The following CAMK1D variants were observed in gnomAD, a reference collection of about 807,000 sequenced individuals.
CAMK1D encodes the protein calcium/calmodulin dependent protein kinase ID, also known as calcium/calmodulin-dependent protein kinase type 1D.
CAMK1D carries 9 observed loss-of-function variants against 47.7 expected under a neutral mutation model. That is an observed-to-expected ratio of 0.19 (90% confidence interval 0.11 to 0.33). CAMK1D has a LOEUF of 0.33. Among genes scored for constraint, CAMK1D ranks in the 10% least tolerant of loss-of-function variants. CAMK1D has a pLI of 1.00. For synonymous variants in CAMK1D, 184 were observed against 184.9 expected (o/e 0.99, Z 0.04); for missense variants, 291 against 488.7 (o/e 0.60, Z 3.81).
chr10:12,813,713 G>A (rs1016212392), intron 6 of CAMK1D, among the ~76,000 whole-genome samples: 1 of 152,002 alleles, frequency 6.6e-6, no homozygotes, highest in African/African-American at 2.4e-5. Context: ...TCTTGGTTGA[G>A]ATTATATTTG....
At chr10:12,791,351 C>G (rs1292539055) in intron 6 of CAMK1D, 118 bp downstream of exon 6, 1 of 824,370 alleles carries the variant, frequency 1.2e-6, no homozygotes, top group Non-Finnish European at 2.0e-6. Flanking sequence ...CAGTTCAGGG[C>G]CATGTTTAAG....
chr10:12,794,604 A>C (rs974746556), intron 6 of CAMK1D, among the ~76,000 whole-genome samples: 4 of 152,090 alleles, frequency 2.6e-5, no homozygotes, highest in African/African-American at 9.7e-5. Context: ...AAATTTGGTA[A>C]GTTTCTACTT....
chr10:12,743,056 G>A (rs1485354244), intron 3 of CAMK1D, among the ~76,000 whole-genome samples: 1 of 152,134 alleles, frequency 6.6e-6, no homozygotes, highest in African/African-American at 2.4e-5. Context: ...AAGAAACCAA[G>A]ACAAGGCTGG....
At chr10:12,639,455 A>G (rs1053887186) in intron 2 of CAMK1D, among the ~76,000 whole-genome samples, 7 of 152,114 alleles carry the variant, frequency 4.6e-5, no homozygotes, top group Admixed American at 1.3e-4. Flanking sequence ...ATCGCACTCC[A>G]GCTTGGGCGA....
chr10:12,698,727 C>T (rs1164568973), intron 3 of CAMK1D, among the ~76,000 whole-genome samples: 1 of 125,894 alleles, frequency 7.9e-6, no homozygotes, highest in African/African-American at 3.0e-5. Flanking sequence ...GGCTGGAGTG[C>T]AGTGGTGTGA....
intron 1 of CAMK1D, among the ~76,000 whole-genome samples, chr10:12,501,067 A>G (rs1172605861): frequency 6.6e-6 from 1 of 152,044 alleles, no homozygotes; most frequent in Non-Finnish European, 1.5e-5. Flanking sequence ...CGGACTCCAA[A>G]ATCCATCCCC....
At position 12,594,066 on chromosome 10, in the gene CAMK1D, C is replaced by T. The variant is rs549015955; in HGVS notation, c.224+40710C>T. On this transcript the variant is annotated intron_variant, in intron 2 of 10. Transcript: ENST00000619168. Reference sequence around the variant, plus strand: ...TGGCACATGCCTGTAATCCCAGCTACTTGGGAGGCTGAGGCAGGAGAATCA... The same window carrying T: ...TGGCACATGCCTGTAATCCCAGCTATTTGGGAGGCTGAGGCAGGAGAATCA... Among the ~76,000 whole-genome samples, 2 of 152,266 alleles carry T rather than the reference C, an allele frequency of 1.3e-5. 1 individual carries two copies. The highest frequency in any genetic ancestry group is 4.8e-5 in the African/African-American group (2 of 41,544).
chr10:12,381,305 A>T (rs540756533), intron 1 of CAMK1D, among the ~76,000 whole-genome samples: 2 of 152,070 alleles, frequency 1.3e-5, no homozygotes, highest in South Asian at 4.2e-4. Flanking sequence ...AGTGGTTCTT[A>T]AAAAATGTCG....
chr10:12,712,363 A>G (rs887288338), intron 3 of CAMK1D, among the ~76,000 whole-genome samples: 11 of 152,256 alleles, frequency 7.2e-5, no homozygotes, highest in Non-Finnish European at 1.6e-4. Flanking sequence ...GCCAGCCTGC[A>G]GCAGCGCCAT....
At chr10:12,358,986 T>G (rs749429785) in intron 1 of CAMK1D, among the ~76,000 whole-genome samples, 10 of 152,150 alleles carry the variant, frequency 6.6e-5, no homozygotes, top group Non-Finnish European at 1.3e-4. Context: ...TCCCCCAAAA[T>G]TTATGGTTTC....
intron 3 of CAMK1D, among the ~76,000 whole-genome samples, chr10:12,757,371 G>C (rs575311403): frequency 5.5e-4 from 84 of 152,198 alleles, no homozygotes; most frequent in Admixed American, 9.8e-4. Flanking sequence ...CTGATGCTTT[G>C]CATGTTTTAA....
chr10:12,500,099 C>T (rs1486803056), intron 1 of CAMK1D, among the ~76,000 whole-genome samples: 4 of 152,100 alleles, frequency 2.6e-5, no homozygotes, highest in Non-Finnish European at 5.9e-5. Flanking sequence ...AACCCTGTCT[C>T]TACTAAAAAT....
chr10:12,462,661 C>T (rs749328939), intron 1 of CAMK1D, among the ~76,000 whole-genome samples: 19 of 152,040 alleles, frequency 1.2e-4, no homozygotes, highest in Non-Finnish European at 2.4e-4. Flanking sequence ...ATGTGACATG[C>T]CTAATGGGCT....
At chr10:12,610,882 ACATCAG>A (rs1460307686) in intron 2 of CAMK1D, among the ~76,000 whole-genome samples, 2 of 152,174 alleles carry the variant, frequency 1.3e-5, no homozygotes, top group Non-Finnish European at 2.9e-5. Flanking sequence ...CCTGGCTAAT[ACATCAG>A]TGTTCTGTGA....
At chr10:12,746,847 A>C (rs1835705269) in intron 3 of CAMK1D, among the ~76,000 whole-genome samples, 1 of 152,168 alleles carries the variant, frequency 6.6e-6, no homozygotes, top group Non-Finnish European at 1.5e-5. Context: ...AGGTTCCTAC[A>C]TTTTAGAGAC....
intron 2 of CAMK1D, among the ~76,000 whole-genome samples, chr10:12,649,003 A>C (rs949301901): frequency 2.0e-5 from 3 of 152,120 alleles, no homozygotes; most frequent in Admixed American, 6.5e-5. Flanking sequence ...AGTAGCTGGA[A>C]CTACAGACAC....
At chr10:12,587,549 A>T (rs200368889) in intron 2 of CAMK1D, among the ~76,000 whole-genome samples, 3 of 2,908 alleles carry the variant, frequency 1.0e-3, no homozygotes, top group Admixed American at 0.01. Context: ...AGACATCATT[A>T]AAAAAAAAAA....
chr10:12,653,554 A>G (rs1412436337), intron 2 of CAMK1D, among the ~76,000 whole-genome samples: 1 of 152,214 alleles, frequency 6.6e-6, no homozygotes, highest in Non-Finnish European at 1.5e-5. Flanking sequence ...GACAACGTTA[A>G]TTACTGATGT....
chr10:12,460,155 T>C (rs908736366), intron 1 of CAMK1D, among the ~76,000 whole-genome samples: 1 of 152,140 alleles, frequency 6.6e-6, no homozygotes, highest in African/African-American at 2.4e-5. Flanking sequence ...CACTGTATGG[T>C]ATATTAAGGA....
Sources: gnomAD v4.1 joint callset for allele counts (sites outside exome capture counted in the v4.1 genomes callset) on GRCh38, gnomAD v4.1.1 for gene constraint, MANE v1.5 for transcripts, NCBI Gene and HGNC (gene_info 2026-07-23, HGNC 2026-07-21) for gene names.